ZFYVE28: variants seen among roughly 807,000 people sequenced by gnomAD.
The protein encoded by ZFYVE28 is zinc finger FYVE-type containing 28.
In ZFYVE28, 40 loss-of-function variants were observed where a neutral mutation model predicts 82.1. The ratio of observed to expected loss-of-function variants is 0.49; its 90% CI spans 0.38 to 0.63. The LOEUF (loss-of-function observed/expected upper bound fraction) is 0.63, where lower values mean the gene tolerates loss of function less well. ZFYVE28 is among the 30% of genes least tolerant of loss of function. The probability of loss-of-function intolerance (pLI) is 0.00; values close to 1 mark genes in which losing one functional copy is unlikely to be tolerated. For synonymous variants in ZFYVE28, 612 were observed against 546.1 expected, an observed-to-expected ratio of 1.12 and a Z score of -1.68; for missense variants, 1,321 against 1,242.1, an observed-to-expected ratio of 1.06 and a Z score of -0.96.
chr4:2,341,714 T>C lies in ZFYVE28; in HGVS notation c.181-99A>G. 6.6e-7 allele frequency: 1 copy of C among 1,504,438 alleles called. No homozygotes were observed. Among genetic ancestry groups the C allele is most frequent in the Non-Finnish European group, 9.0e-7 (1 of 1,107,580 alleles). 93.2% of individuals were successfully genotyped at this position (1,504,438 alleles called of 1,614,324 possible). ...ACGCACGGTGCATGTGACTGTTTTT[T>C]AGGATTATTAAAGTGATAGAGGAGG... On this transcript the variant is annotated intron_variant, in intron 2 of 12. Coordinates refer to ENST00000290974, the MANE Select transcript of ZFYVE28 (RefSeq NM_020972.3). The surrounding 1 kb of genome is among the most constrained non-coding windows in gnomAD (Gnocchi z 4.5).
chr4:2,370,670 C>T (rs568532081), intron 1 of ZFYVE28, among the ~76,000 whole-genome samples: 4 of 152,196 alleles, frequency 2.6e-5, no homozygotes, highest in Non-Finnish European at 5.9e-5. Flanking sequence ...ATCACTGTAC[C>T]GGGAGAGGGG....
intron 2 of ZFYVE28, among the ~76,000 whole-genome samples, chr4:2,348,656 T>C (rs952548694): frequency 6.6e-6 from 1 of 152,246 alleles, no homozygotes; most frequent in African/African-American, 2.4e-5. Flanking sequence ...GCTTATGCTC[T>C]TCCTGGACCA....
chr4:2,364,147 T>A (rs922775499), intron 1 of ZFYVE28, among the ~76,000 whole-genome samples: 1 of 152,184 alleles, frequency 6.6e-6, no homozygotes, highest in Non-Finnish European at 1.5e-5. Flanking sequence ...TCTGGCCCAG[T>A]GGGGCACAGG....
At chr4:2,298,101 G>A (rs976488976) in intron 8 of ZFYVE28, among the ~76,000 whole-genome samples, 6 of 147,498 alleles carry the variant, frequency 4.1e-5, no homozygotes, top group Non-Finnish European at 7.5e-5. Context: ...GTGACAGTGG[G>A]GTGACACGGT....
In ZFYVE28 at chr4:2,396,144, T is replaced by A. The variant is rs1431585005; in HGVS notation, c.39+22141A>T. 7.3e-4 allele frequency among the ~76,000 whole-genome samples: 19 copies of A among 26,046 alleles called. 3 individuals are homozygous for A. The South Asian group carries it at 0.025, about 34-fold the overall frequency. 17.1% of individuals were successfully genotyped at this position (26,046 alleles called of 152,430 possible). A position where few individuals can be genotyped will look rare whatever the true frequency, so the allele number is the denominator to read the frequency against. On this transcript the variant is annotated intron_variant, in intron 1 of 12. Coordinates refer to ENST00000290974, the MANE Select transcript of ZFYVE28 (RefSeq NM_020972.3). ...CCACAAGGCGGGGTGTCTGAGCTGA[T>A]GGGACCAGCCATCCTGCAGAGGGGA...
At chr4:2,380,092 A>G (rs1728579378) in intron 1 of ZFYVE28, among the ~76,000 whole-genome samples, 1 of 152,240 alleles carries the variant, frequency 6.6e-6, no homozygotes, top group East Asian at 1.9e-4. Context: ...TACTTTTGCA[A>G]CAACCTAATA....
At chr4:2,346,299 G>T (rs531992222) in intron 2 of ZFYVE28, among the ~76,000 whole-genome samples, 7 of 147,922 alleles carry the variant, frequency 4.7e-5, no homozygotes, top group Admixed American at 3.4e-4. Flanking sequence ...CCGAGATCGC[G>T]CCACTGCACT....
At chr4:2,292,890 C>T (rs1189659375) in intron 8 of ZFYVE28, among the ~76,000 whole-genome samples, 1 of 152,292 alleles carries the variant, frequency 6.6e-6, no homozygotes, top group African/African-American at 2.4e-5. Context: ...CAAAATCCTA[C>T]TGAAGTTCAG....
At chr4:2,346,192 A>T (rs1723542548) in intron 2 of ZFYVE28, among the ~76,000 whole-genome samples, 1 of 150,082 alleles carries the variant, frequency 6.7e-6, no homozygotes, top group African/African-American at 2.5e-5. Flanking sequence ...AATACAAAAA[A>T]TTAGCCGGGC....
rs1469183306 is a variant in ZFYVE28 at position 2,300,621 on chromosome 4, C to A, written c.2051+3668G>T. Among the ~76,000 whole-genome samples the A allele has an allele frequency of 6.6e-6, 1 of 152,088 alleles. No individual in the cohort carries two copies. On this transcript the variant is annotated intron_variant, in intron 8 of 12. Transcript: ENST00000290974. The surrounding 1 kb of genome is among the most constrained non-coding windows in gnomAD (Gnocchi z 4.6). Reference sequence around the variant, plus strand: ...CCTCCTGCGTGCATCCGTCCCCTGGCTGGTGGCTGGGAAGCCCTGTCCTTC... The same window carrying A: ...CCTCCTGCGTGCATCCGTCCCCTGGATGGTGGCTGGGAAGCCCTGTCCTTC...
In ZFYVE28 at chr4:2,330,217, T is replaced by C. The variant is rs554472984; in HGVS notation, c.701+5488A>G. 21 of 928,638 alleles carry C rather than the reference T, an allele frequency of 2.3e-5. No individual in the cohort carries two copies. The South Asian group carries it at 5.0e-4, about 22-fold the overall frequency. 57.5% of individuals were successfully genotyped at this position (928,638 alleles called of 1,614,324 possible). A position where few individuals can be genotyped will look rare whatever the true frequency, so the allele number is the denominator to read the frequency against. Reference sequence around the variant, plus strand: ...GTGGTGATGGCTGCACAATTCTGAATGTACCAAAAACGACTGTGCACTGTA... The same window carrying C: ...GTGGTGATGGCTGCACAATTCTGAACGTACCAAAAACGACTGTGCACTGTA... On this transcript the variant is annotated intron_variant, in intron 6 of 12. Coordinates refer to ENST00000290974, the MANE Select transcript of ZFYVE28 (RefSeq NM_020972.3).
chr4:2,368,406 G>C (rs1727147991), intron 1 of ZFYVE28, among the ~76,000 whole-genome samples: 1 of 104,886 alleles, frequency 9.5e-6, no homozygotes. Context: ...TGCCTCTACA[G>C]TATGCGATTC....
intron 6 of ZFYVE28, among the ~76,000 whole-genome samples, chr4:2,333,083 G>C (rs937999303): frequency 6.6e-6 from 1 of 151,598 alleles, no homozygotes; most frequent in South Asian, 2.1e-4. Context: ...TCCTGAGCCC[G>C]AGGGGACCCC....
intron 7 of ZFYVE28, among the ~76,000 whole-genome samples, chr4:2,313,263 A>T (rs531447973): frequency 1.5e-4 from 23 of 150,608 alleles, no homozygotes; most frequent in African/African-American, 5.1e-4. Context: ...TTTTTTAATT[A>T]ATTAATTTAT....
chr4:2,304,484 T>C lies in ZFYVE28; in HGVS notation c.1856A>G (p.Asp619Gly). The change falls in exon 8 of 13, where the codon GAT becomes GGT. Residue 619 changes from aspartate to glycine, a missense_variant. Physicochemically the swap from Asp to Gly is moderately conservative, Grantham distance 94. This residue lies in a region of ZFYVE28 where 978 missense variants were observed against 833.7 expected (regional missense o/e 1.17). Transcript: ENST00000290974. ...RQEEAPPPSE[D>G]ASNGREPKAP... ...TTTGGGCTCCCGCCCGTTGGAGGCA[T>C]CTTCTGAGGGTGGGGGCGCCTCCTC... The C allele has an allele frequency of 6.2e-7, 1 of 1,613,156 alleles. No individual in the cohort carries two copies. Among genetic ancestry groups the C allele is most frequent in the Non-Finnish European group, 8.5e-7 (1 of 1,179,776 alleles).
intron 8 of ZFYVE28, among the ~76,000 whole-genome samples, chr4:2,294,180 T>C (rs1347305176): frequency 2.6e-5 from 4 of 151,970 alleles, no homozygotes; most frequent in Non-Finnish European, 5.9e-5. Context: ...AGCTGGGCAC[T>C]TGCACTTCCA....
At chr4:2,312,358 T>C (rs1717578253) in intron 7 of ZFYVE28, among the ~76,000 whole-genome samples, 3 of 151,980 alleles carry the variant, frequency 2.0e-5, no homozygotes, top group African/African-American at 7.2e-5. Context: ...GGCAACATAG[T>C]GTGATCCCAT....
chr4:2,306,034 A>G (rs1202795341), intron 7 of ZFYVE28, among the ~76,000 whole-genome samples: 2 of 152,262 alleles, frequency 1.3e-5, no homozygotes, highest in Non-Finnish European at 2.9e-5. Flanking sequence ...CAGATGATAA[A>G]CAAGCATTTA....
At chr4:2,304,232 A>G (rs1716119768) in intron 8 of ZFYVE28, 57 bp downstream of exon 8, 21 of 1,500,482 alleles carry the variant, frequency 1.4e-5, no homozygotes, top group Admixed American at 2.3e-5. Flanking sequence ...ATGCGCCAGC[A>G]CCTGCCCCCC....
Sources: gnomAD v4.1 joint callset for allele counts (sites outside exome capture counted in the v4.1 genomes callset) on GRCh38, gnomAD v4.1.1 for gene constraint, gnomAD v4.1.1 regional missense constraint, Gnocchi (gnomAD v3.1) non-coding constraint, MANE v1.5 for transcripts, NCBI Gene and HGNC (gene_info 2026-07-23, HGNC 2026-07-21) for gene names.